Variants in TPCN1 observed in about 807,000 individuals in gnomAD.
TPCN1 encodes the protein two pore channel protein 1.
A neutral mutation model predicts 108.8 loss-of-function variants in TPCN1; 52 were observed. The observed-to-expected ratio is 0.48, with a 90% CI of 0.38 to 0.60. The LOEUF (loss-of-function observed/expected upper bound fraction) is 0.60. Among genes scored for constraint, TPCN1 ranks in the 20% least tolerant of loss-of-function variants. The pLI is 0.00. For missense variants in TPCN1, 806 were observed against 1,072.8 expected (o/e 0.75, Z 3.47); for synonymous variants, 446 against 433.7 (o/e 1.03, Z -0.35).
rs1357195627 is a variant in TPCN1 at position 113,288,415 on chromosome 12, C to G, written c.1706+181C>G. 3 of 1,480,238 alleles carry G rather than the reference C, an allele frequency of 2.0e-6. No individual in the cohort carries two copies. In the African/African-American group the frequency reaches 4.2e-5, roughly 21 times the overall value. The allele number at this position is 1,480,238 out of a possible 1,614,324, so 91.7% of individuals were successfully genotyped here. A position where few individuals can be genotyped will look rare whatever the true frequency, so the allele number is the denominator to read the frequency against. ...CACAGGTCTCCTGGGCACCATTTTT[C>G]TCCACTGACCTGTCTGACATATTTA... On this transcript the variant is annotated intron_variant, in intron 20 of 27. Coordinates refer to ENST00000335509, the MANE Select transcript of TPCN1 (RefSeq NM_017901.6). The surrounding 1 kb of genome is among the most constrained non-coding windows in gnomAD (Gnocchi z 4.8).
At chr12:113,225,694 A>G (rs796569917) in intron 1 of TPCN1, among the ~76,000 whole-genome samples, 11 of 152,078 alleles carry the variant, frequency 7.2e-5, no homozygotes, top group African/African-American at 2.7e-4. Context: ...AGCTGGGATT[A>G]CCGGCACGTG....
At chr12:113,241,338 C>T (rs118165644) in intron 2 of TPCN1, among the ~76,000 whole-genome samples, 2,004 of 151,748 alleles carry the variant, frequency 0.013, 155 homozygotes, top group Admixed American at 0.12. Context: ...TACTCTTCTT[C>T]TGAACAAAGC....
chr12:113,291,577 C>G (rs748233175), intron 23 of TPCN1, 32 bp from the exon 24 acceptor site: 1 of 1,601,032 alleles, frequency 6.2e-7, no homozygotes, highest in Non-Finnish European at 8.5e-7. Context: ...TGCATGGGCA[C>G]CCCCTCACTG....
chr12:113,232,841 C>T lies in TPCN1; in HGVS notation c.112+5877C>T, dbSNP rs552372827. Among the ~76,000 whole-genome samples the T allele has an allele frequency of 4.6e-5, 7 of 152,320 alleles. No individual in the cohort carries two copies. Among genetic ancestry groups the T allele is most frequent in the South Asian group, 2.1e-4 (1 of 4,828 alleles). ...GAGCAGAGGTCCTGAACCCAGGCCA[C>T]GATTCAGATCCTTCTTGCCTCACTC... On this transcript the variant is annotated intron_variant, in intron 2 of 27. Coordinates refer to ENST00000335509, the MANE Select transcript of TPCN1 (RefSeq NM_017901.6). The surrounding 1 kb of genome is among the most constrained non-coding windows in gnomAD (Gnocchi z 5.6).
intron 2 of TPCN1, among the ~76,000 whole-genome samples, chr12:113,245,074 G>A (rs534574929): frequency 6.6e-6 from 1 of 152,090 alleles, no homozygotes; most frequent in South Asian, 2.1e-4. Flanking sequence ...GACCAGACTG[G>A]GGAACATGGT....
intron 15 of TPCN1, among the ~76,000 whole-genome samples, chr12:113,283,129 T>G (rs1955948764): frequency 6.6e-6 from 1 of 152,142 alleles, no homozygotes; most frequent in African/African-American, 2.4e-5. Flanking sequence ...CCAAGTCAGA[T>G]CTACCAAAAA....
chr12:113,251,945 C>T (rs1954650218), intron 2 of TPCN1, among the ~76,000 whole-genome samples: 1 of 152,180 alleles, frequency 6.6e-6, no homozygotes. Context: ...AGGTGAAAGA[C>T]AAGAGGCCCC....
intron 14 of TPCN1, 57 bp downstream of exon 14, chr12:113,278,892 G>C: frequency 6.6e-7 from 1 of 1,505,936 alleles, no homozygotes; most frequent in Non-Finnish European, 9.2e-7. Context: ...GAGGTTTTCA[G>C]AGACCACAGA....
intron 10 of TPCN1, 55 bp from the exon 11 acceptor site, chr12:113,276,864 C>G (rs1422230436): frequency 6.3e-6 from 8 of 1,272,254 alleles, no homozygotes; most frequent in Middle Eastern, 2.0e-4. Context: ...CCCCTGCACT[C>G]CCTGCCCTAA....
chr12:113,274,408 G>A (rs551132635), intron 10 of TPCN1, among the ~76,000 whole-genome samples: 25 of 151,852 alleles, frequency 1.6e-4, no homozygotes, highest in South Asian at 8.3e-4. Context: ...AGATCATGCC[G>A]TTGCACTCCA....
At chr12:113,275,633 C>T (rs1213785141) in intron 10 of TPCN1, among the ~76,000 whole-genome samples, 6 of 150,476 alleles carry the variant, frequency 4.0e-5, no homozygotes, top group Admixed American at 6.7e-5. Context: ...AGTGCAGTGG[C>T]GCGATCTCGG....
chr12:113,266,594 A>T lies in TPCN1; in HGVS notation c.414+238A>T, dbSNP rs1226183212. On this transcript the variant is annotated intron_variant, in intron 4 of 27. Coordinates refer to ENST00000335509, the MANE Select transcript of TPCN1 (RefSeq NM_017901.6). The surrounding 1 kb of genome is among the most constrained non-coding windows in gnomAD (Gnocchi z 4.2). Reference sequence around the variant, plus strand: ...CCACCAGTAAATTCCAGGGAGGGGAAGTGTCCCAGGCCCTGCTCAGGACCA... The same window carrying T: ...CCACCAGTAAATTCCAGGGAGGGGATGTGTCCCAGGCCCTGCTCAGGACCA... Among the ~76,000 whole-genome samples the T allele has an allele frequency of 2.6e-5, 4 of 152,176 alleles. No individual in the cohort carries two copies. The highest frequency in any genetic ancestry group is 5.9e-5 in the Non-Finnish European group (4 of 68,038).
intron 22 of TPCN1, among the ~76,000 whole-genome samples, chr12:113,290,728 T>C (rs915970510): frequency 6.6e-5 from 10 of 152,324 alleles, no homozygotes; most frequent in African/African-American, 2.4e-4. Flanking sequence ...CACAGGCTGC[T>C]GAGGCAGAGG....
In TPCN1 at chr12:113,266,364, C is replaced by G; in HGVS notation, c.414+8C>G. Reference sequence around the variant, plus strand: ...CTCCGGCTTGGCATCTATGTGAGCGCACATGCTCCTCATACGGGGGGCTGG... The same window carrying G: ...CTCCGGCTTGGCATCTATGTGAGCGGACATGCTCCTCATACGGGGGGCTGG... On this transcript the variant is annotated splice_region_variant and intron_variant, in intron 4 of 27. Coordinates refer to ENST00000335509, the MANE Select transcript of TPCN1 (RefSeq NM_017901.6). The surrounding 1 kb of genome is among the most constrained non-coding windows in gnomAD (Gnocchi z 4.2). 3 of 1,604,154 alleles carry G rather than the reference C, an allele frequency of 1.9e-6. No homozygotes were observed. Among genetic ancestry groups the G allele is most frequent in the Non-Finnish European group, 2.5e-6 (3 of 1,179,486 alleles).
rs566299768 is a variant in TPCN1, at chr12:113,244,837, T to A, written c.113-15531T>A. The stretch of plus-strand genomic sequence containing the variant: ...GAAACTGAGGCTCTGGGGATTAAGA[T>A]CGTGAACTGTGGGGAGTGGAGGAGG... On this transcript the variant is annotated intron_variant, in intron 2 of 27. Transcript: ENST00000335509. 3.3e-6 allele frequency: 3 copies of A among 897,818 alleles called. No homozygotes were observed. The South Asian group carries it at 1.5e-4, about 46-fold the overall frequency. 55.6% of individuals were successfully genotyped at this position (897,818 alleles called of 1,614,324 possible).
At chr12:113,252,663 G>A (rs935386031) in intron 2 of TPCN1, among the ~76,000 whole-genome samples, 6 of 152,234 alleles carry the variant, frequency 3.9e-5, no homozygotes, top group South Asian at 4.1e-4. Flanking sequence ...GCTGGGGCAT[G>A]TGGAGGTCGT....
At chr12:113,283,259 G>A (rs1955954960) in intron 15 of TPCN1, among the ~76,000 whole-genome samples, 1 of 152,156 alleles carries the variant, frequency 6.6e-6, no homozygotes, top group Non-Finnish European at 1.5e-5. Flanking sequence ...CAATATATCT[G>A]TCTTAAACAA....
At chr12:113,267,171 AGGTTTTCCATCTAAG>A in intron 4 of TPCN1, among the ~76,000 whole-genome samples, 1 of 152,126 alleles carries the variant, frequency 6.6e-6, no homozygotes, top group East Asian at 1.9e-4. Context: ...CCTGCTGGGA[AGGTTTTCCATCTAAG>A]GGTTTTCCAT....
At chr12:113,275,491 G>A (rs1004683726) in intron 10 of TPCN1, among the ~76,000 whole-genome samples, 3 of 152,018 alleles carry the variant, frequency 2.0e-5, no homozygotes, top group African/African-American at 7.2e-5. Context: ...TGATCCGTCC[G>A]ACTCAGCCTC....
Sources: allele counts gnomAD v4.1 joint callset (sites outside exome capture counted in the v4.1 genomes callset), GRCh38; gene constraint gnomAD v4.1.1; non-coding constraint Gnocchi (gnomAD v3.1); transcripts MANE v1.5; gene names NCBI Gene and HGNC (gene_info 2026-07-23, HGNC 2026-07-21).